The following HELQ variants were observed in gnomAD, a reference collection of about 807,000 sequenced individuals.
HELQ encodes helicase POLQ-like.
In HELQ, 77 loss-of-function variants were observed where a neutral mutation model predicts 111.6. That is an observed-to-expected ratio of 0.69 (90% CI 0.57 to 0.83). HELQ has a LOEUF of 0.83. Ranked by LOEUF, HELQ falls within the 40% of genes least tolerant of loss-of-function variation. The pLI is 0.00. For missense variants in HELQ, 1,200 were observed against 1,288.5 expected, an observed-to-expected ratio of 0.93 and a Z score of 1.05; for synonymous variants, 438 against 454.7, an observed-to-expected ratio of 0.96 and a Z score of 0.47.
At position 83,436,793 on chromosome 4, in the gene HELQ, C is replaced by A. The variant is rs913875776; in HGVS notation, c.2048+65G>T. On this transcript the variant is annotated intron_variant, in intron 9 of 17. Coordinates refer to ENST00000295488, the MANE Select transcript of HELQ (RefSeq NM_133636.5). ...CCACTACTGAGAAAGCATAAAACAACAAAACTCCTCGCAAGCTAGAAATGG... is the reference window on the plus strand; with the variant it reads ...CCACTACTGAGAAAGCATAAAACAAAAAAACTCCTCGCAAGCTAGAAATGG... 1.0e-5 allele frequency: 16 copies of A among 1,536,520 alleles called. No individual in the cohort carries two copies. The African/African-American group carries it at 1.8e-4, about 17-fold the overall frequency.
intron 2 of HELQ, among the ~76,000 whole-genome samples, chr4:83,452,257 A>AT (rs760612530): frequency 5.3e-4 from 80 of 151,448 alleles, no homozygotes; most frequent in Non-Finnish European, 1.0e-3. Flanking sequence ...TTTTTTTGCA[A>AT]TTTTTTTTCT....
intron 5 of HELQ, among the ~76,000 whole-genome samples, chr4:83,444,346 T>A (rs955419482): frequency 6.6e-6 from 1 of 152,194 alleles, no homozygotes; most frequent in South Asian, 2.1e-4. Flanking sequence ...AAGTCCTCTA[T>A]GAGATCTTGC....
chr4:83,431,368 G>T (rs1391585282), intron 11 of HELQ, among the ~76,000 whole-genome samples: 1 of 151,754 alleles, frequency 6.6e-6, no homozygotes, highest in East Asian at 1.9e-4. Context: ...ATGTTGCCCA[G>T]GCTGGTCTTG....
In HELQ at chr4:83,439,745, TA is replaced by T. The variant is rs1157033166; in HGVS notation, c.1808+117del. On this transcript the variant is annotated intron_variant, in intron 8 of 17. Transcript: ENST00000295488. ...TTCAAGGTCAAGGCCTTCAGTATACTAAAACAACTTAATATGATGTTTTGCA... is the reference window on the plus strand; with the variant it reads ...TTCAAGGTCAAGGCCTTCAGTATACTAAACAACTTAATATGATGTTTTGCA... 4.3e-5 allele frequency: 30 copies of T among 698,740 alleles called. No individual in the cohort carries two copies. The East Asian group carries it at 8.3e-4, about 19-fold the overall frequency. The allele number at this position is 698,740 out of a possible 1,614,324, so 43.3% of individuals were successfully genotyped here.
At chr4:83,436,163 T>C (rs938303072) in intron 9 of HELQ, among the ~76,000 whole-genome samples, 4 of 152,098 alleles carry the variant, frequency 2.6e-5, no homozygotes, top group African/African-American at 9.7e-5. Flanking sequence ...GATAACTACA[T>C]AATTAAAGTG....
At chr4:83,425,157 G>A (rs1719779383) in intron 14 of HELQ, among the ~76,000 whole-genome samples, 1 of 151,790 alleles carries the variant, frequency 6.6e-6, no homozygotes, top group African/African-American at 2.4e-5. Context: ...GCAGGCGCCT[G>A]TAATCCCAGT....
intron 2 of HELQ, among the ~76,000 whole-genome samples, chr4:83,450,218 A>G (rs72931469): frequency 0.11 from 11,897 of 109,234 alleles, 2,121 homozygotes; most frequent in African/African-American, 0.36. Context: ...TATACAGTTA[A>G]GTTTAAAAAA....
intron 17 of HELQ, 31 bp downstream of exon 17, chr4:83,416,700 A>C: frequency 6.2e-7 from 1 of 1,606,912 alleles, no homozygotes; most frequent in Non-Finnish European, 8.5e-7. Flanking sequence ...ACGCAAGATT[A>C]TTAAGGTTAA....
At chr4:83,454,020 A>G (rs1721568681) in intron 1 of HELQ, 75 bp from the exon 2 acceptor site, 1 of 891,772 alleles carries the variant, frequency 1.1e-6, no homozygotes, top group South Asian at 1.6e-5. Flanking sequence ...CCTGGCCAAC[A>G]TGGTCAAACC....
chr4:83,414,146 T>TA (rs1489057006), intron 17 of HELQ, among the ~76,000 whole-genome samples: 1 of 152,120 alleles, frequency 6.6e-6, no homozygotes, highest in Non-Finnish European at 1.5e-5. Context: ...TATAGAAAAA[T>TA]ACATAGACAT....
At chr4:83,455,251 TAAC>T (rs1335150483) in intron 1 of HELQ, 143 bp downstream of exon 1, 45 of 1,471,238 alleles carry the variant, frequency 3.1e-5, no homozygotes, top group South Asian at 1.6e-4. Context: ...GAAATGTAAA[TAAC>T]AAGGCAATCA....
chr4:83,455,415 G>A lies in HELQ; in HGVS notation c.279C>T (p.Asp93=). The A allele has an allele frequency of 6.2e-7, 1 of 1,613,574 alleles. No individual in the cohort carries two copies. Among genetic ancestry groups the A allele is most frequent in the Middle Eastern group, 1.6e-4 (1 of 6,062 alleles). The change falls in exon 1 of 18, where the codon GAC becomes GAT. Residue 93 remains aspartate, a synonymous_variant. Transcript: ENST00000295488. ...NPDLLRHMPT[D]RGVGDQPNDS... is the part of the protein sequence containing the mutation. ...TCCGTACCTGGTCTCCCACCCCTCT[G>A]TCAGTGGGCATGTGACGTAGGAGGT...
At chr4:83,434,154 T>C (rs1038677278) in intron 9 of HELQ, among the ~76,000 whole-genome samples, 4 of 151,766 alleles carry the variant, frequency 2.6e-5, no homozygotes, top group African/African-American at 9.7e-5. Flanking sequence ...GCAGATCACC[T>C]GAGGTCAGGA....
chr4:83,424,746 TA>T (rs1719752544), intron 14 of HELQ, among the ~76,000 whole-genome samples: 1 of 151,942 alleles, frequency 6.6e-6, no homozygotes, highest in Admixed American at 6.5e-5. Flanking sequence ...TTAGTGGAGA[TA>T]GGGTTTCACC....
chr4:83,452,720 A>G (rs1721461849), intron 2 of HELQ, among the ~76,000 whole-genome samples: 1 of 152,210 alleles, frequency 6.6e-6, no homozygotes, highest in South Asian at 2.1e-4. Flanking sequence ...GGTGTAGTCA[A>G]TAGCATCAGG....
chr4:83,416,583 A>G, intron 17 of HELQ, 148 bp downstream of exon 17: 1 of 801,064 alleles, frequency 1.2e-6, no homozygotes, highest in Non-Finnish European at 1.9e-6. Flanking sequence ...CAGATGCATT[A>G]TTTTTACTCA....
chr4:83,408,996 C>A (rs577935151), intron 17 of HELQ, among the ~76,000 whole-genome samples: 5 of 152,032 alleles, frequency 3.3e-5, no homozygotes, highest in Admixed American at 1.3e-4. Context: ...AAGGGAGGTG[C>A]CTTTTGGAAG....
chr4:83,455,688 A>G lies in HELQ; in HGVS notation c.6T>C (p.Asp2=). 1 of 1,605,838 alleles carries G rather than the reference A, an allele frequency of 6.2e-7. No homozygotes were observed. Among genetic ancestry groups the G allele is most frequent in the Non-Finnish European group, 8.5e-7 (1 of 1,179,716 alleles). Residue 2 remains aspartate (D), a synonymous_variant, in exon 1 of 18, where the codon GAT becomes GAC. Transcript: ENST00000295488. Reference sequence around the variant, plus strand: ...GCCGGCGGATGCGGGAACCACATTCATCCATGGCAAGGACCCAGGGCCCTA... The same window carrying G: ...GCCGGCGGATGCGGGAACCACATTCGTCCATGGCAAGGACCCAGGGCCCTA... M[D]ECGSRIRRRV...
intron 14 of HELQ, among the ~76,000 whole-genome samples, chr4:83,422,614 C>T (rs753806278): frequency 3.3e-5 from 5 of 152,162 alleles, no homozygotes; most frequent in African/African-American, 4.8e-5. Flanking sequence ...GAAAGAGGCA[C>T]GGATGGCTTT....
Sources: allele counts gnomAD v4.1 joint callset (sites outside exome capture counted in the v4.1 genomes callset), GRCh38; gene constraint gnomAD v4.1.1; transcripts MANE v1.5; gene names NCBI Gene and HGNC (gene_info 2026-07-23, HGNC 2026-07-21).